Variants in ERGIC1 observed in about 807,000 individuals in gnomAD.
ERGIC1 encodes endoplasmic reticulum-Golgi intermediate compartment protein 1.
A neutral mutation model predicts 38.3 loss-of-function variants in ERGIC1; 19 were observed. The ratio of observed to expected loss-of-function variants is 0.50; its 90% CI spans 0.35 to 0.73. The LOEUF is 0.73. Among genes scored for constraint, ERGIC1 ranks in the 30% least tolerant of loss-of-function variants. The pLI is 0.01. For synonymous variants in ERGIC1, 124 were observed against 157.6 expected, an observed-to-expected ratio of 0.79 and a Z score of 1.60; for missense variants, 294 against 389.2, an observed-to-expected ratio of 0.76 and a Z score of 2.06.
intron 1 of ERGIC1, among the ~76,000 whole-genome samples, chr5:172,866,268 G>A (rs1184514094): frequency 6.6e-6 from 1 of 152,226 alleles, no homozygotes; most frequent in African/African-American, 2.4e-5. Context: ...GAAGCGGAGG[G>A]AGGTGGGTGT....
intron 1 of ERGIC1, among the ~76,000 whole-genome samples, chr5:172,858,838 G>A (rs1401738733): frequency 6.6e-6 from 1 of 152,242 alleles, no homozygotes; most frequent in Non-Finnish European, 1.5e-5. Flanking sequence ...CCAGCCAGAT[G>A]TTTGGGGCCA....
At position 172,926,947 on chromosome 5, in the gene ERGIC1, C is replaced by T; in HGVS notation, c.541+378C>T. 4 of 239,530 alleles carry T rather than the reference C, an allele frequency of 1.7e-5. No homozygotes were observed. The highest frequency in any genetic ancestry group is 2.5e-5 in the Non-Finnish European group (3 of 119,050). 14.8% of individuals were successfully genotyped at this position (239,530 alleles called of 1,614,324 possible). On this transcript the variant is annotated intron_variant, in intron 7 of 9. Coordinates refer to ENST00000393784, the MANE Select transcript of ERGIC1 (RefSeq NM_001031711.3). This position sits in a 1 kb window ranked among gnomAD's most constrained non-coding sequence, Gnocchi z 5.2. ...CTGCCTCCAGGTCGCACCGTGAGAA[C>T]AGGTCTGTGGGTGGCCCAGTCAGCT... is the stretch of plus-strand genomic sequence containing the variant.
rs1300110502 is a variant in ERGIC1, at chr5:172,920,500, C to A, written c.376-3505C>A. The A allele has an allele frequency of 5.6e-6, 4 of 715,356 alleles. No individual in the cohort carries two copies. The African/African-American group carries it at 7.0e-5, about 13-fold the overall frequency. The allele number at this position is 715,356 out of a possible 1,614,324, so 44.3% of individuals were successfully genotyped here. A position where few individuals can be genotyped will look rare whatever the true frequency, so the allele number is the denominator to read the frequency against. On this transcript the variant is annotated intron_variant, in intron 5 of 9. Coordinates refer to ENST00000393784, the MANE Select transcript of ERGIC1 (RefSeq NM_001031711.3). ...ACAGGATGGGGTGAGGGGTATGGGG[C>A]CTGGCTCCAGCTATATGTTTTTAAA...
intron 9 of ERGIC1, among the ~76,000 whole-genome samples, chr5:172,945,483 G>C (rs776469210): frequency 6.6e-6 from 1 of 152,138 alleles, no homozygotes; most frequent in African/African-American, 2.4e-5. Flanking sequence ...GCGTGCTCTG[G>C]GGAATAAGTA....
At chr5:172,932,340 G>A (rs922416229) in intron 7 of ERGIC1, 96 bp from the exon 8 acceptor site, 15 of 1,252,168 alleles carry the variant, frequency 1.2e-5, no homozygotes, top group African/African-American at 3.0e-5. Flanking sequence ...GCCCCCTGCC[G>A]TGCCCAGGGA....
Position 172,909,786 on chromosome 5 carries a change from C to A in ERGIC1, c.250+25C>A, listed in dbSNP as rs913492244. ...TGTGAGTACTCCACGCAGCCCCTCCCTCCAGCAGGACACCTCCTTAGGGCA... is the reference window on the plus strand; with the variant it reads ...TGTGAGTACTCCACGCAGCCCCTCCATCCAGCAGGACACCTCCTTAGGGCA... On this transcript the variant is annotated intron_variant, in intron 4 of 9. Transcript: ENST00000393784. 5 of 1,602,252 alleles carry A rather than the reference C, an allele frequency of 3.1e-6. No individual in the cohort carries two copies. The African/African-American group carries it at 6.7e-5, about 21-fold the overall frequency.
chr5:172,938,684 C>T (rs1179587768), intron 9 of ERGIC1, among the ~76,000 whole-genome samples: 2 of 150,496 alleles, frequency 1.3e-5, no homozygotes, highest in Non-Finnish European at 2.9e-5. Flanking sequence ...ACCCAGAAGG[C>T]GGACGTTGCA....
chr5:172,872,605 A>G (rs1439257799), intron 1 of ERGIC1, among the ~76,000 whole-genome samples: 1 of 152,150 alleles, frequency 6.6e-6, no homozygotes, highest in Non-Finnish European at 1.5e-5. Context: ...ACTTGAGGCC[A>G]GGAGTTCGAG....
chr5:172,915,874 G>A, intron 5 of ERGIC1: 1 of 305,502 alleles, frequency 3.3e-6, no homozygotes, highest in Non-Finnish European at 6.7e-6. Flanking sequence ...CACCTGAGCT[G>A]GGGTTGCAAA....
chr5:172,897,753 T>C, intron 3 of ERGIC1: 1 of 413,582 alleles, frequency 2.4e-6, no homozygotes, highest in Non-Finnish European at 4.4e-6. Flanking sequence ...GTGAAACTAA[T>C]GGGTACAGCT....
chr5:172,893,339 G>A (rs953092340), intron 2 of ERGIC1, among the ~76,000 whole-genome samples: 1 of 152,010 alleles, frequency 6.6e-6, no homozygotes, highest in Non-Finnish European at 1.5e-5. Context: ...GTAGAGATGG[G>A]TTTTCACCGT....
chr5:172,932,574 G>C, intron 8 of ERGIC1, 38 bp downstream of exon 8: 1 of 1,595,026 alleles, frequency 6.3e-7, no homozygotes, highest in Non-Finnish European at 8.6e-7. Flanking sequence ...GTGTGCGGCG[G>C]CGCCCTCTGC....
intron 6 of ERGIC1, among the ~76,000 whole-genome samples, chr5:172,924,762 T>A (rs1041874046): frequency 1.6e-4 from 24 of 152,210 alleles, no homozygotes; most frequent in African/African-American, 3.9e-4. Context: ...CTGATTTTTT[T>A]AAAAAAATGT....
Position 172,906,362 on chromosome 5 carries a change from C to T in ERGIC1, c.156-3305C>T, listed in dbSNP as rs139936485. ...CTCCGGGGATGGGACACACCCTCTCCGAGCCTGTTCCCTGGTTTTAAGATG... is the reference window on the plus strand; with the variant it reads ...CTCCGGGGATGGGACACACCCTCTCTGAGCCTGTTCCCTGGTTTTAAGATG... On this transcript the variant is annotated intron_variant, in intron 3 of 9. Transcript: ENST00000393784. Among the ~76,000 whole-genome samples the T allele has an allele frequency of 1.3e-3, 195 of 152,290 alleles. 1 individual carries two copies. Among genetic ancestry groups the T allele is most frequent in the Non-Finnish European group, 2.4e-3 (161 of 68,018 alleles).
At chr5:172,839,097 C>T (rs1296539862) in intron 1 of ERGIC1, among the ~76,000 whole-genome samples, 6 of 151,646 alleles carry the variant, frequency 4.0e-5, no homozygotes, top group South Asian at 2.1e-4. Flanking sequence ...AAAAATCAGC[C>T]GGGCTTGATG....
At chr5:172,947,470 CTGAGT>C (rs1431021296) in intron 9 of ERGIC1, among the ~76,000 whole-genome samples, 2 of 152,358 alleles carry the variant, frequency 1.3e-5, no homozygotes, top group South Asian at 2.1e-4. Context: ...CTGTGCCCAG[CTGAGT>C]TATCTCAGCT....
At chr5:172,862,544 C>G (rs1761741376) in intron 1 of ERGIC1, among the ~76,000 whole-genome samples, 1 of 152,158 alleles carries the variant, frequency 6.6e-6, no homozygotes, top group Admixed American at 6.5e-5. Context: ...CCACAGCAAG[C>G]TGGCTGGCCA....
At chr5:172,915,731 G>A (rs1015985506) in intron 5 of ERGIC1, 6 of 439,032 alleles carry the variant, frequency 1.4e-5, no homozygotes, top group African/African-American at 8.1e-5. Flanking sequence ...TGTCTTGCCC[G>A]AGGTCACACA....
intron 1 of ERGIC1, among the ~76,000 whole-genome samples, chr5:172,868,360 A>G (rs1163413879): frequency 6.6e-6 from 1 of 152,222 alleles, no homozygotes. Context: ...ACAGTGGGAT[A>G]TTGTTCAGGA....
Sources: allele counts gnomAD v4.1 joint callset (sites outside exome capture counted in the v4.1 genomes callset), GRCh38; gene constraint gnomAD v4.1.1; non-coding constraint Gnocchi (gnomAD v3.1); transcripts MANE v1.5; gene names NCBI Gene and HGNC (gene_info 2026-07-23, HGNC 2026-07-21).